The following SDK1 variants were observed in gnomAD, a reference collection of about 807,000 sequenced individuals.
SDK1 encodes the protein protein sidekick-1.
A neutral mutation model predicts 245.5 loss-of-function variants in SDK1; 157 were observed. The observed-to-expected ratio is 0.64, with a 90% confidence interval of 0.56 to 0.73. SDK1 has a LOEUF of 0.73. Among genes scored for constraint, SDK1 ranks in the 30% least tolerant of loss-of-function variants. The probability of loss-of-function intolerance (pLI) is 0.00; values close to 1 mark genes in which losing one functional copy is unlikely to be tolerated. For missense variants in SDK1, 3,583 were observed against 3,002.3 expected (o/e 1.19, Z -4.52); for synonymous variants, 1,647 against 1,278.5 (o/e 1.29, Z -6.15).
intron 1 of SDK1, among the ~76,000 whole-genome samples, chr7:3,367,605 G>C (rs1013532389): frequency 1.3e-5 from 2 of 152,116 alleles, no homozygotes; most frequent in African/African-American, 4.8e-5. Context: ...CTGTATTTGT[G>C]CTGAATTTCC....
chr7:4,234,689 T>G (rs1169667978), intron 41 of SDK1, among the ~76,000 whole-genome samples: 1 of 152,160 alleles, frequency 6.6e-6, no homozygotes, highest in African/African-American at 2.4e-5. Flanking sequence ...ACACACACCC[T>G]CGCTGGCCCC....
chr7:3,880,543 C>CTTTTT (rs5882008), intron 5 of SDK1, among the ~76,000 whole-genome samples: 2 of 92,004 alleles, frequency 2.2e-5, no homozygotes, highest in African/African-American at 4.1e-5. Flanking sequence ...ATGCCCTGGT[C>CTTTTT]TTTTTTTTTT....
chr7:3,403,839 ATATATATATATATATATAT>A (rs1477306182), intron 1 of SDK1, among the ~76,000 whole-genome samples: 28 of 56,040 alleles, frequency 5.0e-4, no homozygotes, highest in African/African-American at 4.0e-3. Flanking sequence ...ATATATATAT[ATATATATATATATATATAT>A]ATATATATAT....
intron 1 of SDK1, among the ~76,000 whole-genome samples, chr7:3,462,642 C>G (rs921263704): frequency 6.6e-6 from 1 of 152,106 alleles, no homozygotes; most frequent in East Asian, 1.9e-4. Flanking sequence ...CCAGCTGTAC[C>G]ATAAACTTTG....
chr7:3,892,668 G>A (rs1781489946), intron 5 of SDK1, among the ~76,000 whole-genome samples: 1 of 152,196 alleles, frequency 6.6e-6, no homozygotes, highest in East Asian at 1.9e-4. Context: ...CAGCCATATT[G>A]CATTTCTATC....
At chr7:3,348,814 C>T (rs149192146) in intron 1 of SDK1, among the ~76,000 whole-genome samples, 78 of 152,290 alleles carry the variant, frequency 5.1e-4, no homozygotes, top group African/African-American at 1.8e-3. Context: ...ATGCCTGGAA[C>T]ATGGCAGCAA....
intron 17 of SDK1, among the ~76,000 whole-genome samples, chr7:4,036,293 A>T (rs895273132): frequency 2.0e-5 from 3 of 152,138 alleles, no homozygotes; most frequent in African/African-American, 7.2e-5. Context: ...CTTTAGGTCG[A>T]CAGTTCTTCT....
At chr7:3,972,334 C>T (rs1176050922) in intron 12 of SDK1, among the ~76,000 whole-genome samples, 1 of 152,168 alleles carries the variant, frequency 6.6e-6, no homozygotes, top group Non-Finnish European at 1.5e-5. Flanking sequence ...CTGTCTCGGC[C>T]TCCCAAAGTG....
At chr7:3,936,684 G>GT (rs1241043985) in intron 5 of SDK1, among the ~76,000 whole-genome samples, 3 of 152,212 alleles carry the variant, frequency 2.0e-5, no homozygotes, top group Admixed American at 2.0e-4. Flanking sequence ...AATGGTTAAG[G>GT]TGGTATTTTA....
At chr7:4,133,208 C>T (rs1364342514) in intron 28 of SDK1, among the ~76,000 whole-genome samples, 1 of 152,218 alleles carries the variant, frequency 6.6e-6, no homozygotes, top group Non-Finnish European at 1.5e-5. Context: ...TCTGACTTTT[C>T]AGCATTACAG....
At chr7:3,628,361 G>C (rs1015261394) in intron 2 of SDK1, among the ~76,000 whole-genome samples, 1 of 152,000 alleles carries the variant, frequency 6.6e-6, no homozygotes, top group Non-Finnish European at 1.5e-5. Flanking sequence ...ATATTTTGTA[G>C]AGATGGGATC....
chr7:4,100,218 G>T (rs1257042108), intron 22 of SDK1, among the ~76,000 whole-genome samples: 1 of 152,196 alleles, frequency 6.6e-6, no homozygotes, highest in Non-Finnish European at 1.5e-5. Flanking sequence ...ATGGGAGGGA[G>T]GGACAGATGC....
chr7:4,046,372 A>G (rs945270851), intron 17 of SDK1, among the ~76,000 whole-genome samples: 1 of 152,024 alleles, frequency 6.6e-6, no homozygotes, highest in East Asian at 1.9e-4. Flanking sequence ...TTGATATTCT[A>G]TCTGAGAAAT....
chr7:3,872,360 A>T (rs1337898925), intron 5 of SDK1, among the ~76,000 whole-genome samples: 6 of 152,098 alleles, frequency 3.9e-5, no homozygotes. Context: ...GATATCGTAT[A>T]GAGTTGTTAT....
chr7:3,427,091 A>G (rs966070377), intron 1 of SDK1, among the ~76,000 whole-genome samples: 5 of 152,244 alleles, frequency 3.3e-5, no homozygotes, highest in Non-Finnish European at 7.3e-5. Context: ...ACTACACACA[A>G]CAATCTTAAT....
At chr7:3,420,677 G>A (rs945072223) in intron 1 of SDK1, among the ~76,000 whole-genome samples, 2 of 152,194 alleles carry the variant, frequency 1.3e-5, no homozygotes, top group African/African-American at 4.8e-5. Flanking sequence ...GAAAGTAAAC[G>A]TTATCTCATT....
At position 3,335,420 on chromosome 7, in the gene SDK1, CTT is replaced by C. The variant is rs5881977; in HGVS notation, c.298+33549_298+33550del. ...GGATAAGATACATAATGGTACTTAT[CTT>C]TTTTTTTTTTTTCTGTTCCCCAGTA... On this transcript the variant is annotated intron_variant, in intron 1 of 44. Transcript: ENST00000404826. Among the ~76,000 whole-genome samples, 1,365 of 145,526 alleles carry C rather than the reference CTT, an allele frequency of 9.4e-3. 18 individuals carry two copies. Among genetic ancestry groups the C allele is most frequent in the African/African-American group, 0.03 (1,198 of 39,650 alleles).
At chr7:4,072,209 G>A (rs750956961) in intron 20 of SDK1, among the ~76,000 whole-genome samples, 27 of 152,202 alleles carry the variant, frequency 1.8e-4, no homozygotes, top group Non-Finnish European at 3.1e-4. Flanking sequence ...TCCTGGGCTG[G>A]GTGTAGCCAG....
chr7:4,164,736 C>T (rs145457408), intron 32 of SDK1, among the ~76,000 whole-genome samples: 4 of 152,178 alleles, frequency 2.6e-5, no homozygotes, highest in South Asian at 2.1e-4. Context: ...GTGCAGGGCT[C>T]GAGCTCCCCT....
Sources: allele counts gnomAD v4.1 joint callset (sites outside exome capture counted in the v4.1 genomes callset), GRCh38; gene constraint gnomAD v4.1.1; transcripts MANE v1.5; gene names NCBI Gene and HGNC (gene_info 2026-07-23, HGNC 2026-07-21).